The following ZNF90 variants were observed in gnomAD, a reference collection of about 807,000 sequenced individuals.
ZNF90 encodes the protein zinc finger protein HTF9.
In ZNF90, 11 loss-of-function variants were observed where a neutral mutation model predicts 12.0. The ratio of observed to expected loss-of-function variants is 0.92; its 90% confidence interval spans 0.58 to 1.52. The LOEUF is 1.52. Among genes scored for constraint, ZNF90 ranks in the 40% most tolerant of loss-of-function variants. The pLI is 0.00. For synonymous variants in ZNF90, 232 were observed against 240.1 expected, an observed-to-expected ratio of 0.97 and a Z score of 0.31; for missense variants, 765 against 711.5, an observed-to-expected ratio of 1.08 and a Z score of -0.86.
At chr19:20,101,351 C>G (rs1471975897) in intron 1 of ZNF90, among the ~76,000 whole-genome samples, 4 of 152,160 alleles carry the variant, frequency 2.6e-5, no homozygotes, top group African/African-American at 9.7e-5. Flanking sequence ...ATCCATGAGG[C>G]CAAGAACCCC....
At chr19:20,099,672 G>A (rs1469708063) in intron 1 of ZNF90, among the ~76,000 whole-genome samples, 2 of 152,186 alleles carry the variant, frequency 1.3e-5, no homozygotes, top group African/African-American at 4.8e-5. Context: ...TGTGACTGGA[G>A]AACTTTGCTG....
chr19:20,094,608 G>A (rs1446410245), intron 1 of ZNF90, among the ~76,000 whole-genome samples: 1 of 152,194 alleles, frequency 6.6e-6, no homozygotes, highest in Admixed American at 6.5e-5. Flanking sequence ...TCCTCTCGGG[G>A]AACTGCTCTA....
At chr19:20,099,681 TG>T (rs1478482543) in intron 1 of ZNF90, among the ~76,000 whole-genome samples, 1 of 152,234 alleles carries the variant, frequency 6.6e-6, no homozygotes, top group African/African-American at 2.4e-5. Context: ...AGAACTTTGC[TG>T]TCTTCACATG....
chr19:20,080,209 C>T (rs889972874), intron 1 of ZNF90: 12 of 563,242 alleles, frequency 2.1e-5, no homozygotes, highest in South Asian at 1.6e-4. Context: ...CTAGTACCAC[C>T]GTCCTGACGG....
chr19:20,105,085 T>TA, intron 2 of ZNF90, 136 bp from the exon 3 acceptor site: 1 of 460,798 alleles, frequency 2.2e-6, no homozygotes, highest in Non-Finnish European at 3.6e-6. Flanking sequence ...ATTTTCTAAA[T>TA]CTTTTGAAAT....
chr19:20,080,521 T>G (rs1372942854), intron 1 of ZNF90: 2 of 255,898 alleles, frequency 7.8e-6, no homozygotes, highest in Non-Finnish European at 1.6e-5. Flanking sequence ...TTGTGCCAGT[T>G]GTCCCAAGAG....
intron 1 of ZNF90, among the ~76,000 whole-genome samples, chr19:20,095,612 G>A (rs2088938353): frequency 6.6e-6 from 1 of 151,630 alleles, no homozygotes; most frequent in African/African-American, 2.4e-5. Flanking sequence ...ATAAGAGGTT[G>A]GGCTGCAGAA....
At chr19:20,108,731 CTTT>C (rs10626180) in intron 3 of ZNF90, among the ~76,000 whole-genome samples, 4 of 119,974 alleles carry the variant, frequency 3.3e-5, no homozygotes, top group African/African-American at 6.3e-5. Context: ...GTAGGTTTCT[CTTT>C]TTTTTTTTTT....
chr19:20,108,472 G>A (rs1034612272), intron 3 of ZNF90, among the ~76,000 whole-genome samples: 1 of 152,004 alleles, frequency 6.6e-6, no homozygotes, highest in African/African-American at 2.4e-5. Context: ...ACCACTCCCG[G>A]CTAATTTTTG....
rs1227402173 is a variant in ZNF90 at position 20,120,783 on chromosome 19, A to G, written c.*1423A>G. On this transcript the variant is annotated 3_prime_UTR_variant, in exon 4 of 4. Transcript: ENST00000418063. ...GAAGCATTGTAATTACATTGAAAGTATACTTGCTTTCTTGAGAAAAAATTT... is the reference window on the plus strand; with the variant it reads ...GAAGCATTGTAATTACATTGAAAGTGTACTTGCTTTCTTGAGAAAAAATTT... 6.6e-6 allele frequency: 1 copy of G among 152,198 alleles called. No individual in the cohort carries two copies. Among genetic ancestry groups the G allele is most frequent in the Non-Finnish European group, 1.5e-5 (1 of 68,024 alleles). 9.4% of individuals were successfully genotyped at this position (152,198 alleles called of 1,614,324 possible).
intron 1 of ZNF90, among the ~76,000 whole-genome samples, chr19:20,096,881 CT>C (rs782775465): frequency 6.6e-6 from 1 of 152,138 alleles, no homozygotes; most frequent in Non-Finnish European, 1.5e-5. Context: ...CCTATTTAAC[CT>C]TTTTTGTAGC....
chr19:20,119,584 G>T lies in ZNF90; in HGVS notation c.*224G>T. On this transcript the variant is annotated 3_prime_UTR_variant, in exon 4 of 4. Coordinates refer to ENST00000418063, the MANE Select transcript of ZNF90 (RefSeq NM_007138.2). ...CATACTGGACGGAAACTCTACAGGTGTGAAAAATGCAGCAAAGCCTATAAC... is the reference window on the plus strand; with the variant it reads ...CATACTGGACGGAAACTCTACAGGTTTGAAAAATGCAGCAAAGCCTATAAC... The T allele has an allele frequency of 4.5e-6, 2 of 443,996 alleles. No homozygotes were observed. Among genetic ancestry groups the T allele is most frequent in the Non-Finnish European group, 3.9e-6 (1 of 254,614 alleles). 27.5% of individuals were successfully genotyped at this position (443,996 alleles called of 1,614,324 possible).
intron 1 of ZNF90, among the ~76,000 whole-genome samples, chr19:20,088,013 A>G (rs1224100510): frequency 1.3e-5 from 2 of 152,160 alleles, no homozygotes; most frequent in Non-Finnish European, 2.9e-5. Flanking sequence ...GAATGTCATC[A>G]GTTAAGGTGG....
chr19:20,105,618 T>C (rs571099485), intron 3 of ZNF90, among the ~76,000 whole-genome samples: 2 of 152,304 alleles, frequency 1.3e-5, no homozygotes, highest in East Asian at 1.9e-4. Flanking sequence ...TTTTACATCG[T>C]CTTGGGGACA....
In ZNF90 at chr19:20,082,276, T is replaced by G. The variant is rs372649297; in HGVS notation, c.3+4141T>G. On this transcript the variant is annotated intron_variant, in intron 1 of 3. Transcript: ENST00000418063. ...GTCTGTTATTCTCCTGTTGTGTTCA[T>G]GTGTTCTTATTATTTAGCTCTTACT... Among the ~76,000 whole-genome samples the G allele has an allele frequency of 8.7e-4, 133 of 152,340 alleles. 1 individual carries two copies. The highest frequency in any genetic ancestry group is 3.2e-3 in the African/African-American group (131 of 41,580).
intron 3 of ZNF90, among the ~76,000 whole-genome samples, chr19:20,107,502 C>T (rs1555704596): frequency 1.3e-5 from 2 of 152,158 alleles, no homozygotes; most frequent in African/African-American, 4.8e-5. Flanking sequence ...TTTGGAATGG[C>T]ATCTTGCTGC....
intron 1 of ZNF90, among the ~76,000 whole-genome samples, chr19:20,101,344 C>T (rs2088988527): frequency 6.6e-6 from 1 of 152,178 alleles, no homozygotes; most frequent in Admixed American, 6.5e-5. Context: ...CCTTGGAATC[C>T]ATGAGGCCAA....
intron 1 of ZNF90, among the ~76,000 whole-genome samples, chr19:20,096,252 A>C (rs1413958474): frequency 6.6e-6 from 1 of 152,132 alleles, no homozygotes; most frequent in Non-Finnish European, 1.5e-5. Flanking sequence ...GTCATAGGTG[A>C]ATCTTTCTCA....
chr19:20,105,308 A>G lies in ZNF90; in HGVS notation c.218A>G (p.Lys73Arg), dbSNP rs1424489030. Residue 73 changes from lysine (K) to arginine (R), a missense_variant, in exon 3 of 4, where the codon AAA becomes AGA. Physicochemically the swap from Lys to Arg is conservative, Grantham distance 26 (BLOSUM62 2). Transcript: ENST00000418063. ...FTVKRHEMIA[K>R]SPVMCFHFAQ... ...GTGAAGAGACATGAGATGATTGCCA[A>G]ATCCCCAGGTAGGTGCGAGTGAAAA... The G allele has an allele frequency of 6.2e-7, 1 of 1,605,590 alleles. No individual in the cohort carries two copies. The highest frequency in any genetic ancestry group is 8.5e-7 in the Non-Finnish European group (1 of 1,175,506).
Sources: gnomAD v4.1 joint callset for allele counts (sites outside exome capture counted in the v4.1 genomes callset) on GRCh38, gnomAD v4.1.1 for gene constraint, MANE v1.5 for transcripts, NCBI Gene and HGNC (gene_info 2026-07-23, HGNC 2026-07-21) for gene names.